TDRD9: variants seen among roughly 807,000 people sequenced by gnomAD.
TDRD9 encodes tudor domain containing 9.
A neutral mutation model predicts 172.6 loss-of-function variants in TDRD9; 124 were observed. That is an observed-to-expected ratio of 0.72 (90% confidence interval 0.62 to 0.83). The LOEUF (loss-of-function observed/expected upper bound fraction) is 0.83. Among genes scored for constraint, TDRD9 ranks in the 40% least tolerant of loss-of-function variants. The pLI, the probability that TDRD9 is intolerant of heterozygous loss-of-function variation, is 0.00. For missense variants in TDRD9, 1,479 were observed against 1,714.1 expected (o/e 0.86, Z 2.42); for synonymous variants, 619 against 617.1 (o/e 1.00, Z -0.05).
intron 20 of TDRD9, among the ~76,000 whole-genome samples, chr14:104,008,960 A>G (rs1337379675): frequency 2.0e-5 from 3 of 152,224 alleles, no homozygotes; most frequent in Non-Finnish European, 4.4e-5. Flanking sequence ...TTTACCCACT[A>G]ATACAATCTT....
rs561209650 is a variant in TDRD9 at position 103,996,248 on chromosome 14, A to G, written c.1378+441A>G. Among the ~76,000 whole-genome samples, 17 of 152,310 alleles carry G rather than the reference A, an allele frequency of 1.1e-4. No homozygotes were observed. In the South Asian group the frequency reaches 3.3e-3, roughly 30 times the overall value. The stretch of plus-strand genomic sequence containing the variant: ...ATTACTTTGTGAGATTGCTTCATCA[A>G]TGAGTTTTCTAAATTCATTAATTTA... On this transcript the variant is annotated intron_variant, in intron 12 of 35. Transcript: ENST00000409874.
chr14:103,946,447 T>A (rs2031564106), intron 1 of TDRD9, among the ~76,000 whole-genome samples: 1 of 152,206 alleles, frequency 6.6e-6, no homozygotes, highest in Non-Finnish European at 1.5e-5. Flanking sequence ...GCTAACATCA[T>A]ACTCAATGGA....
At chr14:103,949,506 C>T (rs1258643574) in intron 1 of TDRD9, among the ~76,000 whole-genome samples, 1 of 152,156 alleles carries the variant, frequency 6.6e-6, no homozygotes, top group Non-Finnish European at 1.5e-5. Context: ...TCTACTTTGA[C>T]CTCTGATTAT....
intron 1 of TDRD9, among the ~76,000 whole-genome samples, chr14:103,934,501 G>A (rs115321195): frequency 3.3e-5 from 5 of 152,180 alleles, no homozygotes; most frequent in African/African-American, 4.8e-5. Flanking sequence ...TGTCCTAGCC[G>A]AGCACGGTGG....
chr14:103,973,073 A>G lies in TDRD9; in HGVS notation c.847-2316A>G, dbSNP rs562553412. ...AGTGTTAGTGGATTAACAAAACCCT[A>G]CACTGATGGACATGTTGGTAAGGAA... On this transcript the variant is annotated intron_variant, in intron 6 of 35. Transcript: ENST00000409874. Among the ~76,000 whole-genome samples the G allele has an allele frequency of 2.0e-5, 3 of 152,326 alleles. No homozygotes were observed. The East Asian group carries it at 5.8e-4, about 29-fold the overall frequency.
At chr14:103,972,593 A>G (rs771827510) in intron 6 of TDRD9, among the ~76,000 whole-genome samples, 10 of 152,242 alleles carry the variant, frequency 6.6e-5, no homozygotes, top group Non-Finnish European at 1.2e-4. Context: ...TGTGCTAAGC[A>G]GAGGTCTGTG....
chr14:103,961,707 G>C (rs889643922), intron 2 of TDRD9, among the ~76,000 whole-genome samples: 3 of 152,084 alleles, frequency 2.0e-5, no homozygotes, highest in Non-Finnish European at 2.9e-5. Context: ...TGACAGATCT[G>C]GTTCCTCTGT....
At chr14:104,038,405 C>T (rs1378859745) in intron 32 of TDRD9, among the ~76,000 whole-genome samples, 3 of 152,204 alleles carry the variant, frequency 2.0e-5, no homozygotes, top group Non-Finnish European at 2.9e-5. Context: ...CAGTGGGCTA[C>T]AGCAACCTTC....
chr14:103,939,939 T>G (rs1566724933), intron 1 of TDRD9: 1 of 151,120 alleles, frequency 6.6e-6, no homozygotes, highest in South Asian at 2.1e-4. Context: ...GTATATTTTT[T>G]TCTTTTTAGA....
chr14:103,991,919 G>A (rs369785628), intron 9 of TDRD9, among the ~76,000 whole-genome samples: 41 of 152,062 alleles, frequency 2.7e-4, no homozygotes, highest in African/African-American at 9.2e-4. Flanking sequence ...CACCATGCTT[G>A]TCTAGAGTTC....
chr14:104,012,883 C>T (rs1223315391), intron 20 of TDRD9, among the ~76,000 whole-genome samples: 4 of 152,180 alleles, frequency 2.6e-5, no homozygotes, highest in African/African-American at 9.6e-5. Context: ...TGTGAACCAC[C>T]GTGCCCAGCC....
rs1012791933 is a variant in TDRD9, at chr14:104,008,363, C to T, written c.2053-50C>T. ...TATGTATTAAAGTAGCTAAATTCAG[C>T]TCTAATTTATTACCTTAATATTGAG... is the stretch of plus-strand genomic sequence containing the variant. On this transcript the variant is annotated intron_variant, in intron 19 of 35. Transcript: ENST00000409874. 5.6e-6 allele frequency: 6 copies of T among 1,072,808 alleles called. No individual in the cohort carries two copies. The South Asian group carries it at 8.2e-5, about 15-fold the overall frequency. 66.5% of individuals were successfully genotyped at this position (1,072,808 alleles called of 1,614,324 possible).
chr14:103,940,977 T>C (rs1339888825), intron 1 of TDRD9: 2 of 1,535,364 alleles, frequency 1.3e-6, no homozygotes, highest in African/African-American at 1.4e-5. Flanking sequence ...CCATGCTCCC[T>C]GAGTCCTCCA....
At position 104,025,511 on chromosome 14, in the gene TDRD9, C is replaced by T. The variant is rs1388942487; in HGVS notation, c.2719-53C>T. ...CCCTATGATTCAAGCTCATTTTCCT[C>T]CTTACAAAAGTCCTTTCTAGATTTC... On this transcript the variant is annotated intron_variant, in intron 25 of 35. Transcript: ENST00000409874. 7.5e-6 allele frequency: 11 copies of T among 1,463,566 alleles called. No homozygotes were observed. In the Admixed American group the frequency reaches 2.0e-4, roughly 27 times the overall value. The allele number at this position is 1,463,566 out of a possible 1,614,324, so 90.7% of individuals were successfully genotyped here. A position where few individuals can be genotyped will look rare whatever the true frequency, so the allele number is the denominator to read the frequency against.
At chr14:104,006,875 G>A (rs746857291) in intron 18 of TDRD9, 30 bp downstream of exon 18, 13 of 1,572,746 alleles carry the variant, frequency 8.3e-6, no homozygotes, top group Middle Eastern at 3.4e-4. Context: ...AACCATGAAA[G>A]CAGCTACCAC....
intron 1 of TDRD9, among the ~76,000 whole-genome samples, chr14:103,951,806 G>A (rs890147345): frequency 3.3e-5 from 5 of 149,870 alleles, no homozygotes; most frequent in South Asian, 2.1e-4. Flanking sequence ...TTGCTGTGTC[G>A]CCCAGGCTGG....
rs1461643440 is a variant in TDRD9 at position 103,997,594 on chromosome 14, C to T, written c.1379-1030C>T. 1.3e-5 allele frequency among the ~76,000 whole-genome samples: 2 copies of T among 152,218 alleles called. No homozygotes were observed. The highest frequency in any genetic ancestry group is 2.9e-5 in the Non-Finnish European group (2 of 68,030). ...AGGGAGCAGCTGGCGGGGGCGTCAG[C>T]CCGTGACTGGCGTTGGAAGGCAGGA... is the stretch of plus-strand genomic sequence containing the variant. On this transcript the variant is annotated intron_variant, in intron 12 of 35. Coordinates refer to ENST00000409874, the MANE Select transcript of TDRD9 (RefSeq NM_153046.3). The surrounding 1 kb of genome is among the most constrained non-coding windows in gnomAD (Gnocchi z 5.1).
chr14:104,020,405 A>G (rs2034917972), intron 23 of TDRD9, among the ~76,000 whole-genome samples: 1 of 152,172 alleles, frequency 6.6e-6, no homozygotes, highest in Non-Finnish European at 1.5e-5. Flanking sequence ...TGGGGGGCAA[A>G]GAAGTGAGAG....
At chr14:103,947,038 C>A (rs2031596576) in intron 1 of TDRD9, among the ~76,000 whole-genome samples, 1 of 152,092 alleles carries the variant, frequency 6.6e-6, no homozygotes, top group African/African-American at 2.4e-5. Flanking sequence ...AAAAATCCAT[C>A]CTGAAATTCA....
Sources: gnomAD v4.1 joint callset for allele counts (sites outside exome capture counted in the v4.1 genomes callset) on GRCh38, gnomAD v4.1.1 for gene constraint, Gnocchi (gnomAD v3.1) non-coding constraint, MANE v1.5 for transcripts, NCBI Gene and HGNC (gene_info 2026-07-23, HGNC 2026-07-21) for gene names.